SEMA3A: variants seen among roughly 807,000 people sequenced by gnomAD.
SEMA3A encodes the protein semaphorin-3A.
SEMA3A carries 29 observed loss-of-function variants against 97.9 expected under a neutral mutation model. That is an observed-to-expected ratio of 0.30 (90% CI 0.22 to 0.40). The LOEUF (loss-of-function observed/expected upper bound fraction) is 0.40, where lower values mean the gene tolerates loss of function less well. Among genes scored for constraint, SEMA3A ranks in the 10% least tolerant of loss-of-function variants. The pLI, the probability that SEMA3A is intolerant of heterozygous loss-of-function variation, is 1.00. For missense variants in SEMA3A, 763 were observed against 951.3 expected, an observed-to-expected ratio of 0.80 and a Z score of 2.60; for synonymous variants, 321 against 323.7, an observed-to-expected ratio of 0.99 and a Z score of 0.09.
intron 1 of SEMA3A, among the ~76,000 whole-genome samples, chr7:84,382,719 A>T (rs77897143): frequency 2.0e-5 from 2 of 100,136 alleles, no homozygotes; most frequent in Non-Finnish European, 4.8e-5. Flanking sequence ...AAAAAAAAAA[A>T]AAAAAAAAAA....
intron 9 of SEMA3A, among the ~76,000 whole-genome samples, chr7:84,009,916 A>AC (rs1233466247): frequency 2.0e-5 from 3 of 150,078 alleles, no homozygotes; most frequent in African/African-American, 5.0e-5. Flanking sequence ...AAAAAAAAAA[A>AC]AAAAAAAAAA....
chr7:84,096,740 A>T (rs994016977), intron 4 of SEMA3A, among the ~76,000 whole-genome samples: 2 of 152,000 alleles, frequency 1.3e-5, no homozygotes, highest in African/African-American at 4.8e-5. Flanking sequence ...GAAATTGCTG[A>T]TTGCCTCTGA....
upstream of SEMA3A, among the ~76,000 whole-genome samples, chr7:84,196,286 C>G (rs1445319400): frequency 6.6e-6 from 1 of 152,146 alleles, no homozygotes; most frequent in Non-Finnish European, 1.5e-5. Context: ...TAAGCATTGT[C>G]ACTACAGCTT....
chr7:84,030,840 T>C (rs922352114), intron 6 of SEMA3A, among the ~76,000 whole-genome samples: 7 of 152,262 alleles, frequency 4.6e-5, no homozygotes, highest in African/African-American at 1.7e-4. Context: ...TTTTTAACAC[T>C]GTACTTGGAA....
chr7:84,070,081 T>C (rs963820964), intron 4 of SEMA3A, among the ~76,000 whole-genome samples: 2 of 152,140 alleles, frequency 1.3e-5, no homozygotes, highest in African/African-American at 2.4e-5. Flanking sequence ...CTAAGACCAA[T>C]GTACACAATT....
intron 1 of SEMA3A, among the ~76,000 whole-genome samples, chr7:84,479,109 T>A (rs1350828898): frequency 6.6e-6 from 1 of 152,130 alleles, no homozygotes; most frequent in African/African-American, 2.4e-5. Flanking sequence ...TTTACAGCTA[T>A]CCACAGAATA....
rs773851451 is a variant in SEMA3A at position 83,963,262 on chromosome 7, C to G, written c.1803G>C (p.Ser601=). The G allele has an allele frequency of 1.3e-5, 21 of 1,613,514 alleles. No homozygotes were observed. Among genetic ancestry groups the G allele is most frequent in the African/African-American group, 4.0e-5 (3 of 74,928 alleles). ...ATTGCCAATAGACCAGCGCTCTCTG[C>G]GACTTCGGACTGCATTCCAAAAATG... The part of the protein sequence containing the change: ...SSTFLECSPK[S]QRALVYWQFQ... Residue 601 remains serine (S), a synonymous_variant, in exon 16 of 17, where the codon TCG becomes TCC. Transcript: ENST00000265362.
intron 1 of SEMA3A, among the ~76,000 whole-genome samples, chr7:84,163,646 T>C (rs1797112600): frequency 6.6e-6 from 1 of 152,148 alleles, no homozygotes; most frequent in Non-Finnish European, 1.5e-5. Flanking sequence ...AACAATAAAA[T>C]AAATGGTATA....
chr7:84,032,480 T>C (rs1791796849), intron 6 of SEMA3A, among the ~76,000 whole-genome samples: 1 of 152,182 alleles, frequency 6.6e-6, no homozygotes. Flanking sequence ...AACTGCAATA[T>C]AATTAGCAGT....
chr7:84,075,330 T>G (rs1003827484), intron 4 of SEMA3A, among the ~76,000 whole-genome samples: 19 of 146,196 alleles, frequency 1.3e-4, no homozygotes, highest in African/African-American at 4.3e-4. Flanking sequence ...CCTGCCACCA[T>G]GCCAGGCTGA....
intron 11 of SEMA3A, among the ~76,000 whole-genome samples, chr7:84,003,857 T>C (rs538416732): frequency 6.4e-5 from 2 of 31,378 alleles, no homozygotes; most frequent in Admixed American, 3.4e-4. Context: ...TTGCAATTCA[T>C]TGCCTTTATG....
At chr7:84,151,025 G>A (rs1411955123) in intron 1 of SEMA3A, among the ~76,000 whole-genome samples, 1 of 149,348 alleles carries the variant, frequency 6.7e-6, no homozygotes, top group African/African-American at 2.5e-5. Flanking sequence ...CTGCAGCTGA[G>A]GGTCCTTTCT....
At chr7:83,965,517 G>T (rs1401503750) in intron 15 of SEMA3A, among the ~76,000 whole-genome samples, 1 of 149,218 alleles carries the variant, frequency 6.7e-6, no homozygotes, top group Non-Finnish European at 1.5e-5. Context: ...CTCAAAGATA[G>T]AATTTCATAT....
At chr7:84,036,071 T>C (rs1255684483) in intron 6 of SEMA3A, among the ~76,000 whole-genome samples, 3 of 152,086 alleles carry the variant, frequency 2.0e-5, no homozygotes, top group Non-Finnish European at 2.9e-5. Context: ...TAAATTGTCA[T>C]GTCCTGCTTT....
Position 84,034,124 on chromosome 7 carries a change from T to C in SEMA3A, c.667+12200A>G, listed in dbSNP as rs935144088. Among the ~76,000 whole-genome samples, 4 of 151,856 alleles carry C rather than the reference T, an allele frequency of 2.6e-5. No individual in the cohort carries two copies. In the East Asian group the frequency reaches 7.7e-4, roughly 29 times the overall value. The stretch of plus-strand genomic sequence containing the variant: ...TCAGCCTCCCAAGTAGCTGGGACCA[T>C]AGGCACATACCACCACACCTGGCTG... On this transcript the variant is annotated intron_variant, in intron 6 of 16. Coordinates refer to ENST00000265362, the MANE Select transcript of SEMA3A (RefSeq NM_006080.3).
At chr7:84,376,901 T>G (rs1803119380) in intron 1 of SEMA3A, among the ~76,000 whole-genome samples, 1 of 152,108 alleles carries the variant, frequency 6.6e-6, no homozygotes. Flanking sequence ...TGTTTGAGAT[T>G]TTTGTATATT....
At chr7:84,180,508 T>G (rs569299924) in intron 1 of SEMA3A, among the ~76,000 whole-genome samples, 1 of 151,736 alleles carries the variant, frequency 6.6e-6, no homozygotes. Context: ...GCCAACATGG[T>G]AAAACTCCAT....
chr7:84,062,850 T>A (rs905426599), intron 4 of SEMA3A, among the ~76,000 whole-genome samples: 1 of 109,204 alleles, frequency 9.2e-6, no homozygotes, highest in African/African-American at 5.2e-5. Context: ...GGGAGGGGCG[T>A]CCGCCATTGC....
upstream of SEMA3A, among the ~76,000 whole-genome samples, chr7:84,197,063 G>A (rs948488373): frequency 1.3e-5 from 2 of 151,856 alleles, no homozygotes; most frequent in African/African-American, 2.4e-5. Flanking sequence ...GCTCCATGGG[G>A]GAAGAAAAAC....
Sources: allele counts gnomAD v4.1 joint callset (sites outside exome capture counted in the v4.1 genomes callset), GRCh38; gene constraint gnomAD v4.1.1; transcripts MANE v1.5; gene names NCBI Gene and HGNC (gene_info 2026-07-23, HGNC 2026-07-21).